DDX1: variants seen among roughly 807,000 people sequenced by gnomAD.
The protein encoded by DDX1 is ATP-dependent RNA helicase DDX1.
In DDX1, 28 loss-of-function variants were observed where a neutral mutation model predicts 108.7. The ratio of observed to expected loss-of-function variants is 0.26; its 90% confidence interval spans 0.19 to 0.35. DDX1 has a LOEUF of 0.35. Ranked by LOEUF, DDX1 falls within the 10% of genes least tolerant of loss-of-function variation. The pLI is 1.00. For missense variants in DDX1, 710 were observed against 884.5 expected, an observed-to-expected ratio of 0.80 and a Z score of 2.50; for synonymous variants, 295 against 288.9, an observed-to-expected ratio of 1.02 and a Z score of -0.21.
At chr2:15,596,854 A>G in intron 4 of DDX1, 91 bp downstream of exon 4, 1 of 972,268 alleles carries the variant, frequency 1.0e-6, no homozygotes, top group South Asian at 1.5e-5. Context: ...ATTTAATAAA[A>G]TAGCAACCTC....
At chr2:15,613,671 G>C (rs975689368) in intron 14 of DDX1, among the ~76,000 whole-genome samples, 1 of 152,122 alleles carries the variant, frequency 6.6e-6, no homozygotes, top group Non-Finnish European at 1.5e-5. Context: ...TGACTCTTGG[G>C]AAGGATGAAT....
At chr2:15,623,638 T>A in intron 19 of DDX1, 56 bp downstream of exon 19, 1 of 1,445,146 alleles carries the variant, frequency 6.9e-7, no homozygotes, top group Non-Finnish European at 9.7e-7. Context: ...AATAGATTAT[T>A]AATCTCATGT....
chr2:15,630,961 C>T lies in DDX1; in HGVS notation c.*55C>T. 6.4e-7 allele frequency: 1 copy of T among 1,568,028 alleles called. No homozygotes were observed. Among genetic ancestry groups the T allele is most frequent in the Non-Finnish European group, 8.8e-7 (1 of 1,142,098 alleles). ...AATGAAAGTCTGTAGTCTTAAAACT[C>T]TAAAACAGTTGTACTGCTTCCAAGC... On this transcript the variant is annotated 3_prime_UTR_variant, in exon 26 of 26. Coordinates refer to ENST00000233084, the MANE Select transcript of DDX1 (RefSeq NM_004939.3).
intron 19 of DDX1, 43 bp from the exon 20 acceptor site, chr2:15,627,011 A>G: frequency 1.5e-6 from 2 of 1,321,336 alleles, no homozygotes; most frequent in South Asian, 1.2e-5. Context: ...AGTCTTAGGC[A>G]GAAGATTTTC....
At chr2:15,617,669 G>T (rs967234311) in intron 15 of DDX1, among the ~76,000 whole-genome samples, 8 of 152,046 alleles carry the variant, frequency 5.3e-5, no homozygotes, top group African/African-American at 1.9e-4. Context: ...TAGGTATGTA[G>T]GCAGATTTGA....
At chr2:15,599,556 A>AC in intron 5 of DDX1, 113 bp from the exon 6 acceptor site, 1 of 674,080 alleles carries the variant, frequency 1.5e-6, no homozygotes, top group Non-Finnish European at 2.5e-6. Context: ...CAAGTGAACC[A>AC]CCCACGTCAG....
intron 16 of DDX1, among the ~76,000 whole-genome samples, chr2:15,619,007 C>T (rs1043024906): frequency 6.6e-6 from 1 of 152,300 alleles, no homozygotes; most frequent in East Asian, 1.9e-4. Flanking sequence ...CAAGGGAGGG[C>T]CTTTTAGGGC....
At chr2:15,598,041 T>C (rs1317034877) in intron 5 of DDX1, among the ~76,000 whole-genome samples, 1 of 152,190 alleles carries the variant, frequency 6.6e-6, no homozygotes, top group Non-Finnish European at 1.5e-5. Context: ...TTCTTCATCT[T>C]TAAATTGTGT....
chr2:15,607,263 T>A lies in DDX1; in HGVS notation c.906T>A (p.Thr302=), dbSNP rs1183593692. The A allele has an allele frequency of 2.5e-6, 4 of 1,613,360 alleles. No individual in the cohort carries two copies. The highest frequency in any genetic ancestry group is 3.4e-6 in the Non-Finnish European group (4 of 1,179,492). ...CTTCCCGGGAGTTAGCTGAACAAAC[T>A]TTGAACAACATCAAGCAGTTTAAGA... is the stretch of plus-strand genomic sequence containing the variant. ...VEPSRELAEQ[T]LNNIKQFKKY... is the part of the protein sequence containing the mutation. Residue 302 remains threonine (T), a synonymous_variant, in exon 13 of 26, where the codon ACT becomes ACA. Transcript: ENST00000233084.
At chr2:15,624,193 TG>T (rs1195473016) in intron 19 of DDX1, among the ~76,000 whole-genome samples, 1 of 152,138 alleles carries the variant, frequency 6.6e-6, no homozygotes, top group Non-Finnish European at 1.5e-5. Context: ...ATATTATGCA[TG>T]TGTCAGCTAA....
intron 18 of DDX1, chr2:15,621,449 G>T: frequency 4.7e-6 from 1 of 211,432 alleles, no homozygotes; most frequent in Non-Finnish European, 9.4e-6. Context: ...AGCTGGGATC[G>T]CCCGCCACCA....
At chr2:15,623,031 TTAAAA>T (rs1451798315) in intron 18 of DDX1, among the ~76,000 whole-genome samples, 2 of 152,154 alleles carry the variant, frequency 1.3e-5, no homozygotes, top group African/African-American at 4.8e-5. Context: ...TTAAAAGGAG[TTAAAA>T]TAATTGTATA....
chr2:15,629,111 C>T (rs1666149035), intron 23 of DDX1, among the ~76,000 whole-genome samples: 1 of 152,078 alleles, frequency 6.6e-6, no homozygotes, highest in Non-Finnish European at 1.5e-5. Flanking sequence ...GGCATGGTGC[C>T]ATGGAAGACC....
intron 14 of DDX1, 34 bp from the exon 15 acceptor site, chr2:15,617,210 G>T: frequency 8.5e-7 from 1 of 1,181,582 alleles, no homozygotes; most frequent in South Asian, 1.5e-5. Context: ...TGTTTCTTTA[G>T]TTTTCATTAA....
chr2:15,631,021 A>C lies in DDX1; in HGVS notation c.*115A>C. 2.2e-6 allele frequency: 2 copies of C among 920,042 alleles called. No homozygotes were observed. The highest frequency in any genetic ancestry group is 5.3e-5 in the South Asian group (2 of 37,710). 57.0% of individuals were successfully genotyped at this position (920,042 alleles called of 1,614,324 possible). ...TATAGTAACGTAAGCTATTAATGCT[A>C]ACTCTTGCATGTCAAGAAACATTAG... On this transcript the variant is annotated 3_prime_UTR_variant, in exon 26 of 26. Transcript: ENST00000233084.
intron 19 of DDX1, among the ~76,000 whole-genome samples, chr2:15,626,050 T>G (rs891877907): frequency 6.6e-6 from 1 of 152,146 alleles, no homozygotes; most frequent in African/African-American, 2.4e-5. Flanking sequence ...TTAGTTACTT[T>G]GATGCTCCTT....
At chr2:15,602,859 G>A (rs1171122876) in intron 7 of DDX1, among the ~76,000 whole-genome samples, 1 of 152,030 alleles carries the variant, frequency 6.6e-6, no homozygotes, top group Non-Finnish European at 1.5e-5. Flanking sequence ...GATTACAGGC[G>A]CCCACCACCA....
Position 15,618,271 on chromosome 2 carries a change from G to T in DDX1, c.1206+1G>T. On this transcript the variant is annotated splice_donor_variant, in intron 16 of 25. Transcript: ENST00000233084. LOFTEE classifies it high-confidence loss of function. ...TACCTCTGATGGAAAAAGACTTCAG[G>T]TATAAAATTTATCAATGCATCTTAA... is the stretch of plus-strand genomic sequence containing the variant. 2 of 1,501,412 alleles carry T rather than the reference G, an allele frequency of 1.3e-6. No individual in the cohort carries two copies. Among genetic ancestry groups the T allele is most frequent in the Non-Finnish European group, 1.8e-6 (2 of 1,085,126 alleles). 93.0% of individuals were successfully genotyped at this position (1,501,412 alleles called of 1,614,324 possible).
At chr2:15,612,335 C>T (rs113169779) in intron 13 of DDX1, among the ~76,000 whole-genome samples, 2 of 150,296 alleles carry the variant, frequency 1.3e-5, no homozygotes, top group East Asian at 2.0e-4. Context: ...GACGGGGCGG[C>T]GGGGCAGAGG....
Sources: allele counts gnomAD v4.1 joint callset (sites outside exome capture counted in the v4.1 genomes callset), GRCh38; gene constraint gnomAD v4.1.1; transcripts MANE v1.5; gene names NCBI Gene and HGNC (gene_info 2026-07-23, HGNC 2026-07-21).